The following SEMA5B variants were observed in gnomAD, a reference collection of about 807,000 sequenced individuals.
SEMA5B encodes the protein semaphorin 5B, also known as semaphorin-5B.
A neutral mutation model predicts 135.0 loss-of-function variants in SEMA5B; 66 were observed. That is an observed-to-expected ratio of 0.49 (90% CI 0.40 to 0.60). The LOEUF (loss-of-function observed/expected upper bound fraction) is 0.60. Ranked by LOEUF, SEMA5B falls within the 20% of genes least tolerant of loss-of-function variation. The pLI, the probability that SEMA5B is intolerant of heterozygous loss-of-function variation, is 0.00. For synonymous variants in SEMA5B, 690 were observed against 639.5 expected (o/e 1.08, Z -1.19); for missense variants, 1,501 against 1,566.3 (o/e 0.96, Z 0.70).
At chr3:123,025,127 C>G (rs907867010) in intron 1 of SEMA5B, among the ~76,000 whole-genome samples, 1 of 152,192 alleles carries the variant, frequency 6.6e-6, no homozygotes, top group Non-Finnish European at 1.5e-5. Flanking sequence ...CAGTGTTGGG[C>G]TGGACCTCTC....
At chr3:123,026,696 C>T (rs1252179245) in intron 1 of SEMA5B, among the ~76,000 whole-genome samples, 2 of 152,352 alleles carry the variant, frequency 1.3e-5, no homozygotes, top group African/African-American at 4.8e-5. Flanking sequence ...CTCGCTGGAT[C>T]TCCCGCAGGA....
In SEMA5B at chr3:122,911,604, G is replaced by A. The variant is rs1038363859; in HGVS notation, c.3047-69C>T. On this transcript the variant is annotated intron_variant, in intron 20 of 22. Coordinates refer to ENST00000357599, the MANE Select transcript of SEMA5B (RefSeq NM_001031702.4). ...AGGAGGGGGGCCCTGCAGGGTAGGC[G>A]TAAGCCTGGGAGGACCTCTAGGTCA... The A allele has an allele frequency of 1.1e-5, 16 of 1,496,502 alleles. No individual in the cohort carries two copies. The East Asian group carries it at 1.4e-4, about 13-fold the overall frequency. 92.7% of individuals were successfully genotyped at this position (1,496,502 alleles called of 1,614,324 possible). A position where few individuals can be genotyped will look rare whatever the true frequency, so the allele number is the denominator to read the frequency against.
intron 5 of SEMA5B, 61 bp downstream of exon 5, chr3:122,939,364 C>T: frequency 7.3e-7 from 1 of 1,376,936 alleles, no homozygotes; most frequent in Non-Finnish European, 1.0e-6. Context: ...CTTGCGTTGC[C>T]CTGCCTTGGG....
Position 122,943,543 on chromosome 3 carries a change from A to C in SEMA5B, c.329-8T>G. ...AGACCCACGGCTGCAGGTCTGGTGG[A>C]GGGAGAGGCAACCCTGTGGTTACTG... On this transcript the variant is annotated splice_region_variant and splice_polypyrimidine_tract_variant and intron_variant, in intron 3 of 22. Transcript: ENST00000357599. 1 of 1,591,384 alleles carries C rather than the reference A, an allele frequency of 6.3e-7. No individual in the cohort carries two copies. The highest frequency in any genetic ancestry group is 8.6e-7 in the Non-Finnish European group (1 of 1,165,882).
chr3:122,990,896 G>A (rs10084650), intron 1 of SEMA5B, among the ~76,000 whole-genome samples: 9 of 152,104 alleles, frequency 5.9e-5, no homozygotes, highest in Admixed American at 2.6e-4. Flanking sequence ...AACAGCTCCC[G>A]AAGGCAGGGC....
At chr3:122,997,297 C>G (rs1285314352) in intron 1 of SEMA5B, among the ~76,000 whole-genome samples, 3 of 152,122 alleles carry the variant, frequency 2.0e-5, no homozygotes, top group Non-Finnish European at 2.9e-5. Flanking sequence ...TCTTCACCTC[C>G]CCTCTCCTCA....
intron 5 of SEMA5B, 83 bp from the exon 6 acceptor site, chr3:122,929,141 G>T: frequency 1.5e-6 from 2 of 1,337,490 alleles, no homozygotes; most frequent in East Asian, 2.4e-5. Flanking sequence ...GCAGCAGCCA[G>T]TGTCGGGAGT....
chr3:122,986,725 G>T, intron 1 of SEMA5B, among the ~76,000 whole-genome samples: 1 of 152,008 alleles, frequency 6.6e-6, no homozygotes, highest in Non-Finnish European at 1.5e-5. Flanking sequence ...ATACAAACAT[G>T]CACTCATTTG....
At chr3:122,932,602 C>T (rs1011342520) in intron 5 of SEMA5B, among the ~76,000 whole-genome samples, 2 of 152,060 alleles carry the variant, frequency 1.3e-5, no homozygotes, top group African/African-American at 4.8e-5. Context: ...ATCAATATCC[C>T]GCTGGGCAGC....
intron 1 of SEMA5B, among the ~76,000 whole-genome samples, chr3:123,008,093 A>G (rs950591350): frequency 1.3e-5 from 2 of 152,280 alleles, no homozygotes; most frequent in African/African-American, 4.8e-5. Context: ...CGGCAAAGGC[A>G]CGCAGAAATA....
intron 1 of SEMA5B, 109 bp from the exon 2 acceptor site, chr3:122,961,410 G>T (rs373793609): frequency 3.0e-6 from 3 of 1,002,264 alleles, no homozygotes; most frequent in Non-Finnish European, 4.3e-6. Flanking sequence ...TTGCTGCTGT[G>T]TTTGTTTCTT....
chr3:122,967,343 T>C (rs1241000090), intron 1 of SEMA5B, among the ~76,000 whole-genome samples: 1 of 152,226 alleles, frequency 6.6e-6, no homozygotes, highest in Non-Finnish European at 1.5e-5. Context: ...CTAAACTATC[T>C]TCAGAAGTAA....
intron 1 of SEMA5B, among the ~76,000 whole-genome samples, chr3:122,966,102 C>T (rs1940805376): frequency 6.6e-6 from 1 of 152,178 alleles, no homozygotes; most frequent in Admixed American, 6.5e-5. Context: ...GAACACCTCT[C>T]CCCTTTAGAA....
At chr3:122,935,726 T>C (rs1379835224) in intron 5 of SEMA5B, among the ~76,000 whole-genome samples, 2 of 137,984 alleles carry the variant, frequency 1.4e-5, no homozygotes, top group Non-Finnish European at 3.1e-5. Flanking sequence ...ATTCTCGCTT[T>C]GTTGCCCAGG....
chr3:122,976,657 C>T (rs138480388), intron 1 of SEMA5B, among the ~76,000 whole-genome samples: 4 of 152,346 alleles, frequency 2.6e-5, no homozygotes, highest in East Asian at 1.9e-4. Flanking sequence ...CTTTATCACA[C>T]ATCTATCTAC....
At chr3:123,008,895 G>A (rs1942374327) in intron 1 of SEMA5B, among the ~76,000 whole-genome samples, 1 of 152,132 alleles carries the variant, frequency 6.6e-6, no homozygotes. Flanking sequence ...GAGCTGGGGG[G>A]CTGCAGCTGC....
rs548983294 is a variant in SEMA5B, at chr3:122,913,875, G to A, written c.2115C>T (p.Gly705=). ...APRHGGRICV[G]KSREERFCNE... is the part of the protein sequence containing the mutation. ...TCCCTCACCGTTCCTCCCGGCTCTT[G>A]CCCACGCAGATGCGGCCCCCGTGGC... Residue 705 remains glycine (G), a synonymous_variant, in exon 15 of 23, where the codon GGC becomes GGT. Coordinates refer to ENST00000357599, the MANE Select transcript of SEMA5B (RefSeq NM_001031702.4). The A allele has an allele frequency of 6.2e-7, 1 of 1,609,784 alleles. No individual in the cohort carries two copies. The highest frequency in any genetic ancestry group is 1.3e-5 in the African/African-American group (1 of 75,014).
chr3:123,018,669 CT>C (rs1372984263), intron 1 of SEMA5B, among the ~76,000 whole-genome samples: 2 of 152,206 alleles, frequency 1.3e-5, no homozygotes, highest in Admixed American at 1.3e-4. Flanking sequence ...CCCCTCAGAT[CT>C]TTTTCTCAGG....
intron 1 of SEMA5B, among the ~76,000 whole-genome samples, chr3:122,966,857 CTAT>C (rs1553778809): frequency 2.3e-5 from 2 of 88,200 alleles, no homozygotes; most frequent in South Asian, 7.7e-4. Context: ...CACACCCGGC[CTAT>C]TACTATTATT....
Sources: allele counts gnomAD v4.1 joint callset (sites outside exome capture counted in the v4.1 genomes callset), GRCh38; gene constraint gnomAD v4.1.1; transcripts MANE v1.5; gene names NCBI Gene and HGNC (gene_info 2026-07-23, HGNC 2026-07-21).